MAD1L1: variants seen among roughly 807,000 people sequenced by gnomAD.
MAD1L1 encodes mitotic spindle assembly checkpoint protein MAD1.
A neutral mutation model predicts 96.9 loss-of-function variants in MAD1L1; 95 were observed. That is an observed-to-expected ratio of 0.98 (90% CI 0.83 to 1.16). MAD1L1 has a LOEUF of 1.16. MAD1L1 is among the 50% of genes most tolerant of loss of function. The pLI is 0.00. For synonymous variants in MAD1L1, 473 were observed against 396.6 expected, an observed-to-expected ratio of 1.19 and a Z score of -2.29; for missense variants, 1,007 against 954.4, an observed-to-expected ratio of 1.06 and a Z score of -0.73.
At chr7:2,202,474 G>A (rs1792365205) in intron 10 of MAD1L1, among the ~76,000 whole-genome samples, 1 of 152,210 alleles carries the variant, frequency 6.6e-6, no homozygotes, top group Non-Finnish European at 1.5e-5. Flanking sequence ...TCTCCCTCCA[G>A]ATCATGGGCT....
chr7:1,869,325 C>G (rs1784933543), intron 18 of MAD1L1, among the ~76,000 whole-genome samples: 1 of 152,122 alleles, frequency 6.6e-6, no homozygotes, highest in African/African-American at 2.4e-5. Context: ...TTCCCAGCAT[C>G]TACCTCGGCG....
chr7:2,060,318 G>A (rs542435440), intron 12 of MAD1L1, among the ~76,000 whole-genome samples: 5 of 143,100 alleles, frequency 3.5e-5, no homozygotes, highest in Non-Finnish European at 6.1e-5. Context: ...GAGATACGCC[G>A]ATGCTGAGAT....
intron 15 of MAD1L1, among the ~76,000 whole-genome samples, chr7:1,965,076 T>C (rs1277849787): frequency 2.0e-5 from 3 of 152,196 alleles, no homozygotes; most frequent in Non-Finnish European, 2.9e-5. Context: ...AATGGCTAGC[T>C]CCACGTTTCC....
At chr7:1,898,866 C>CTG (rs1787063845) in intron 17 of MAD1L1, among the ~76,000 whole-genome samples, 1 of 152,220 alleles carries the variant, frequency 6.6e-6, no homozygotes, top group African/African-American at 2.4e-5. Flanking sequence ...AAGCGAAGGC[C>CTG]TGGGCTGCCA....
At chr7:2,034,605 T>G (rs999770826) in intron 12 of MAD1L1, among the ~76,000 whole-genome samples, 1 of 152,236 alleles carries the variant, frequency 6.6e-6, no homozygotes, top group South Asian at 2.1e-4. Flanking sequence ...GCACAGGCAC[T>G]GGCTGCAATA....
intron 4 of MAD1L1, among the ~76,000 whole-genome samples, chr7:2,223,026 G>A (rs759725128): frequency 1.1e-4 from 16 of 152,340 alleles, no homozygotes; most frequent in African/African-American, 1.9e-4. Flanking sequence ...TTATCACACC[G>A]TCTGCTCAGC....
intron 18 of MAD1L1, chr7:1,847,060 A>C: frequency 2.9e-6 from 1 of 344,622 alleles, no homozygotes. Context: ...CCTTGGCCCC[A>C]AGAATGGAAT....
In MAD1L1 at chr7:2,103,195, G is replaced by A. The variant is rs1164623369; in HGVS notation, c.1074-33857C>T. ...CCTACAAAGGGGCAGCTCCGACCAC[G>A]CTTCAGCTCTCAGCCCACATGGTGT... On this transcript the variant is annotated intron_variant, in intron 11 of 18. Transcript: ENST00000265854. The surrounding 1 kb of genome is among the most constrained non-coding windows in gnomAD (Gnocchi z 4.3). Among the ~76,000 whole-genome samples the A allele has an allele frequency of 2.0e-5, 3 of 152,114 alleles. No individual in the cohort carries two copies. Among genetic ancestry groups the A allele is most frequent in the Admixed American group, 6.5e-5 (1 of 15,286 alleles).
Position 1,816,007 on chromosome 7 carries a change from G to C in MAD1L1, c.*63C>G. ...ACGTGCACCCAGCCTGTGGCTGGCG[G>C]GGCAGGGGACCTGCAGGTCAGGCCA... On this transcript the variant is annotated 3_prime_UTR_variant, in exon 19 of 19. Coordinates refer to ENST00000265854, the MANE Select transcript of MAD1L1 (RefSeq NM_001013836.2). 6.6e-7 allele frequency: 1 copy of C among 1,508,236 alleles called. No individual in the cohort carries two copies. 93.4% of individuals were successfully genotyped at this position (1,508,236 alleles called of 1,614,324 possible).
intron 11 of MAD1L1, among the ~76,000 whole-genome samples, chr7:2,093,322 T>C (rs973343102): frequency 6.7e-6 from 1 of 150,352 alleles, no homozygotes; most frequent in Non-Finnish European, 1.5e-5. Flanking sequence ...ATATTTAACA[T>C]GGAAAATGTT....
chr7:1,888,995 T>G (rs1486786048), intron 18 of MAD1L1, among the ~76,000 whole-genome samples: 1 of 152,248 alleles, frequency 6.6e-6, no homozygotes, highest in Non-Finnish European at 1.5e-5. Flanking sequence ...CGTGGCCTGA[T>G]GTCGGCAGAC....
chr7:2,204,111 C>T (rs956756324), intron 10 of MAD1L1, among the ~76,000 whole-genome samples: 1 of 152,252 alleles, frequency 6.6e-6, no homozygotes, highest in Admixed American at 6.5e-5. Context: ...TGCTGCCACT[C>T]CTCACAGCAC....
At chr7:1,933,198 C>T (rs1789580090) in intron 17 of MAD1L1, among the ~76,000 whole-genome samples, 1 of 152,202 alleles carries the variant, frequency 6.6e-6, no homozygotes, top group South Asian at 2.1e-4. Context: ...TGGGTATCAG[C>T]TCCTCACTAG....
At chr7:1,961,618 G>A (rs939881109) in intron 15 of MAD1L1, among the ~76,000 whole-genome samples, 1 of 152,196 alleles carries the variant, frequency 6.6e-6, no homozygotes, top group African/African-American at 2.4e-5. Context: ...AGAAAATACA[G>A]GAGAAAATCT....
chr7:2,229,915 C>A, intron 3 of MAD1L1, 69 bp downstream of exon 3: 2 of 1,535,816 alleles, frequency 1.3e-6, no homozygotes, highest in Non-Finnish European at 8.8e-7. Context: ...CTACAGAAGA[C>A]TGGAAGAGGT....
chr7:1,869,079 G>A (rs865882137), intron 18 of MAD1L1, among the ~76,000 whole-genome samples: 12 of 152,312 alleles, frequency 7.9e-5, no homozygotes, highest in Middle Eastern at 3.4e-3. Flanking sequence ...CAGGCCACAC[G>A]TGGACGGTGA....
chr7:2,079,220 G>C (rs995538160), intron 11 of MAD1L1, among the ~76,000 whole-genome samples: 10 of 152,210 alleles, frequency 6.6e-5, no homozygotes, highest in African/African-American at 2.4e-4. Context: ...CTGGGGGGCA[G>C]GTTCAGACTC....
chr7:1,981,269 G>T (rs11764780), intron 14 of MAD1L1, among the ~76,000 whole-genome samples: 1 of 152,138 alleles, frequency 6.6e-6, no homozygotes, highest in African/African-American at 2.4e-5. Flanking sequence ...GCCCGGCCAG[G>T]AGTGTGGATT....
chr7:1,921,708 AC>A (rs1788805392), intron 17 of MAD1L1, among the ~76,000 whole-genome samples: 1 of 152,248 alleles, frequency 6.6e-6, no homozygotes, highest in South Asian at 2.1e-4. Flanking sequence ...ATTAAAAAAA[AC>A]AAAAGATCTG....
Sources: allele counts gnomAD v4.1 joint callset (sites outside exome capture counted in the v4.1 genomes callset), GRCh38; gene constraint gnomAD v4.1.1; non-coding constraint Gnocchi (gnomAD v3.1); transcripts MANE v1.5; gene names NCBI Gene and HGNC (gene_info 2026-07-23, HGNC 2026-07-21).